Variants in GRIA3 observed in about 807,000 individuals in gnomAD.
GRIA3 encodes glutamate receptor 3.
Under a neutral mutation model 63.0 loss-of-function variants are expected in GRIA3, and 3 were observed. The ratio of observed to expected loss-of-function variants is 0.05; its 90% confidence interval spans 0.02 to 0.12. GRIA3 has a LOEUF of 0.12. Among genes scored for constraint, GRIA3 ranks in the 10% least tolerant of loss-of-function variants. The pLI, the probability that GRIA3 is intolerant of heterozygous loss-of-function variation, is 1.00. For missense variants in GRIA3, 347 were observed against 700.9 expected (o/e 0.50, Z 5.70); for synonymous variants, 274 against 257.9 (o/e 1.06, Z -0.60).
intron 5 of GRIA3, among the ~76,000 whole-genome samples, chrX:123,374,464 G>A (rs1348389261): frequency 9.0e-6 from 1 of 111,686 alleles, no homozygotes; most frequent in Admixed American, 9.5e-5. Flanking sequence ...CCATTTTCAC[G>A]ATATTGATTC....
chrX:123,326,019 C>T lies in GRIA3; in HGVS notation c.509-7C>T, dbSNP rs753121603. The T allele has an allele frequency of 8.3e-7, 1 of 1,197,944 alleles. No individual in the cohort carries two copies. The highest frequency in any genetic ancestry group is 1.1e-6 in the Non-Finnish European group (1 of 883,406). On this transcript the variant is annotated splice_region_variant and splice_polypyrimidine_tract_variant and intron_variant, in intron 3 of 15. Transcript: ENST00000620443. ...TAAATCATTGAAGCTGTTTTTCCTT[C>T]CTTCAGGATTTTCCATCCTCCAAGC...
chrX:123,241,753 G>A (rs1483775157), intron 2 of GRIA3, among the ~76,000 whole-genome samples: 1 of 110,915 alleles, frequency 9.0e-6, no homozygotes, highest in Admixed American at 9.6e-5. Context: ...AAAAAAAGAA[G>A]TCATAGACAG....
intron 12 of GRIA3, among the ~76,000 whole-genome samples, chrX:123,458,068 T>C (rs1024179187): frequency 9.0e-6 from 1 of 111,023 alleles, no homozygotes; most frequent in Admixed American, 9.6e-5. Flanking sequence ...TGGCAGTAGA[T>C]TCCAGGCTGT....
chrX:123,288,533 A>G lies in GRIA3; in HGVS notation c.508+34991A>G, dbSNP rs1452602327. Among the ~76,000 whole-genome samples the G allele has an allele frequency of 2.7e-5, 3 of 112,052 alleles. No homozygotes were observed. The East Asian group carries it at 8.4e-4, about 31-fold the overall frequency. ...TCTATCCATCTGACAAAGGGCTAAT[A>G]TCCAGAATCTACAAGGAACTTAAAC... On this transcript the variant is annotated intron_variant, in intron 3 of 15. Coordinates refer to ENST00000620443, the MANE Select transcript of GRIA3 (RefSeq NM_007325.5).
At chrX:123,420,111 G>T (rs2045556715) in intron 11 of GRIA3, among the ~76,000 whole-genome samples, 1 of 111,524 alleles carries the variant, frequency 9.0e-6, no homozygotes, top group Admixed American at 9.5e-5. Context: ...TGTAGGTTTT[G>T]GTAAACTTGA....
At chrX:123,280,014 A>G (rs2044576123) in intron 3 of GRIA3, among the ~76,000 whole-genome samples, 1 of 112,595 alleles carries the variant, frequency 8.9e-6, no homozygotes, top group Non-Finnish European at 1.9e-5. Flanking sequence ...CTATTTGATG[A>G]ATCAAGGTAC....
intron 2 of GRIA3, among the ~76,000 whole-genome samples, chrX:123,207,761 T>C (rs1352749109): frequency 2.7e-5 from 3 of 111,065 alleles, no homozygotes; most frequent in Non-Finnish European, 5.7e-5. Context: ...AAAGCCTGGG[T>C]TTTCAGGTGG....
At chrX:123,299,827 T>G (rs1360032001) in intron 3 of GRIA3, among the ~76,000 whole-genome samples, 2 of 111,549 alleles carry the variant, frequency 1.8e-5, no homozygotes, top group Admixed American at 9.5e-5. Context: ...GGGGAATGCT[T>G]CTCACTTTTT....
At position 123,463,692 on chromosome X, in the gene GRIA3, A is replaced by AGAG. The variant is rs1569440905; in HGVS notation, c.2077-1173_2077-1172insGAG. On this transcript the variant is annotated intron_variant, in intron 12 of 15. Transcript: ENST00000620443. The stretch of plus-strand genomic sequence containing the variant: ...AGAAAGAAAGAAAGAAAGAGAGAGA[A>AGAG]AGAAAGAAAAAGAAAGAAAGAAAGA... 2.3e-4 allele frequency among the ~76,000 whole-genome samples: 7 copies of AGAG among 30,587 alleles called. 1 individual carries two copies. Among genetic ancestry groups the AGAG allele is most frequent in the East Asian group, 6.5e-4 (1 of 1,534 alleles). The allele number at this position is 30,587 out of a possible 115,157, so 26.6% of individuals were successfully genotyped here. A position where few individuals can be genotyped will look rare whatever the true frequency, so the allele number is the denominator to read the frequency against.
chrX:123,284,013 G>A (rs2044602511), intron 3 of GRIA3, among the ~76,000 whole-genome samples: 1 of 112,671 alleles, frequency 8.9e-6, no homozygotes, highest in African/African-American at 3.2e-5. Flanking sequence ...GCTGGCATCT[G>A]GCAGGTGGCC....
intron 3 of GRIA3, among the ~76,000 whole-genome samples, chrX:123,259,206 C>T (rs1380057648): frequency 9.0e-6 from 1 of 111,377 alleles, no homozygotes; most frequent in Non-Finnish European, 1.9e-5. Context: ...AGGGATTCCC[C>T]AAGAAAAGGA....
chrX:123,344,444 G>C lies in GRIA3; in HGVS notation c.697-10466G>C, dbSNP rs1284032162. ...AGTTATAAGCTAATGGTGAATGGGAGTTGAAAGTCAAAGACCCCAACTTCC... is the reference window on the plus strand; with the variant it reads ...AGTTATAAGCTAATGGTGAATGGGACTTGAAAGTCAAAGACCCCAACTTCC... On this transcript the variant is annotated intron_variant, in intron 4 of 15. Coordinates refer to ENST00000620443, the MANE Select transcript of GRIA3 (RefSeq NM_007325.5). 2.9e-4 allele frequency among the ~76,000 whole-genome samples: 32 copies of C among 111,999 alleles called. 1 individual carries two copies. The highest frequency in any genetic ancestry group is 1.1e-4 in the Non-Finnish European group (6 of 53,185).
intron 15 of GRIA3, 62 bp downstream of exon 15, chrX:123,483,108 C>A: frequency 1.3e-5 from 11 of 856,521 alleles, no homozygotes; most frequent in Non-Finnish European, 1.8e-5. Flanking sequence ...CTCTTTTTTT[C>A]TTCTTTTTTT....
intron 2 of GRIA3, among the ~76,000 whole-genome samples, chrX:123,210,084 A>C (rs1238594968): frequency 9.2e-6 from 1 of 108,759 alleles, no homozygotes; most frequent in Non-Finnish European, 1.9e-5. Flanking sequence ...TCTATCAGAG[A>C]AACATGAAAG....
chrX:123,407,350 AG>A (rs2045479704), intron 10 of GRIA3, among the ~76,000 whole-genome samples: 1 of 111,663 alleles, frequency 9.0e-6, no homozygotes, highest in Admixed American at 9.5e-5. Flanking sequence ...AACAGTTTAC[AG>A]TGACTATCTT....
chrX:123,206,405 T>C (rs1459341639), intron 2 of GRIA3, among the ~76,000 whole-genome samples: 1 of 112,189 alleles, frequency 8.9e-6, no homozygotes, highest in Non-Finnish European at 1.9e-5. Flanking sequence ...CTTTCGCTAG[T>C]AGAGTCGTCA....
intron 7 of GRIA3, among the ~76,000 whole-genome samples, chrX:123,399,304 G>A (rs752547419): frequency 8.9e-6 from 1 of 111,848 alleles, no homozygotes; most frequent in African/African-American, 3.2e-5. Flanking sequence ...TTGTCAAAAA[G>A]AACACTCATG....
At chrX:123,447,304 CAACA>C (rs1259683954) in intron 12 of GRIA3, among the ~76,000 whole-genome samples, 2 of 111,480 alleles carry the variant, frequency 1.8e-5, no homozygotes, top group Non-Finnish European at 3.8e-5. Context: ...AAAAAAAACA[CAACA>C]AACAAAAAAT....
intron 12 of GRIA3, among the ~76,000 whole-genome samples, chrX:123,457,175 G>T (rs996221001): frequency 2.7e-5 from 3 of 111,114 alleles, no homozygotes; most frequent in Non-Finnish European, 5.7e-5. Flanking sequence ...GCCCTTGAAA[G>T]GCACCTTTTA....
Sources: gnomAD v4.1 joint callset for allele counts (sites outside exome capture counted in the v4.1 genomes callset) on GRCh38, gnomAD v4.1.1 for gene constraint, MANE v1.5 for transcripts, NCBI Gene and HGNC (gene_info 2026-07-23, HGNC 2026-07-21) for gene names.